The following CTNNA3 variants were observed in gnomAD, a reference collection of about 807,000 sequenced individuals.
The protein encoded by CTNNA3 is catenin alpha 3.
A neutral mutation model predicts 95.7 loss-of-function variants in CTNNA3; 76 were observed. That is an observed-to-expected ratio of 0.79 (90% confidence interval 0.66 to 0.96). The LOEUF (loss-of-function observed/expected upper bound fraction) is 0.96, where lower values mean the gene tolerates loss of function less well. Ranked by LOEUF, CTNNA3 falls within the 40% of genes least tolerant of loss-of-function variation. The pLI is 0.00. For synonymous variants in CTNNA3, 431 were observed against 374.4 expected (o/e 1.15, Z -1.74); for missense variants, 1,191 against 1,089.8 (o/e 1.09, Z -1.31).
chr10:66,026,438 G>C (rs1336689141), intron 15 of CTNNA3, among the ~76,000 whole-genome samples: 2 of 152,126 alleles, frequency 1.3e-5, no homozygotes, highest in Non-Finnish European at 2.9e-5. Context: ...GAAAAGGGAA[G>C]ATATATTTAA....
At chr10:66,402,831 C>T (rs2093030701) in intron 11 of CTNNA3, among the ~76,000 whole-genome samples, 1 of 152,080 alleles carries the variant, frequency 6.6e-6, no homozygotes, top group Non-Finnish European at 1.5e-5. Flanking sequence ...CTTGGACCCC[C>T]ACAGGGAACC....
At chr10:66,988,736 C>A (rs1184715092) in intron 7 of CTNNA3, among the ~76,000 whole-genome samples, 2 of 152,102 alleles carry the variant, frequency 1.3e-5, no homozygotes, top group African/African-American at 2.4e-5. Context: ...TAAAATGAGA[C>A]CACAGCTAAG....
At chr10:66,064,010 T>C (rs1159054953) in intron 15 of CTNNA3, among the ~76,000 whole-genome samples, 1 of 152,174 alleles carries the variant, frequency 6.6e-6, no homozygotes, top group East Asian at 1.9e-4. Flanking sequence ...CACACTACTA[T>C]AAAGAATTGC....
intron 1 of CTNNA3, among the ~76,000 whole-genome samples, chr10:67,705,902 G>A (rs949691967): frequency 1.5e-4 from 23 of 152,072 alleles, no homozygotes; most frequent in African/African-American, 5.6e-4. Flanking sequence ...ATTAACTAGA[G>A]CGAAGTCTGG....
intron 5 of CTNNA3, among the ~76,000 whole-genome samples, chr10:67,459,084 A>G (rs1264186871): frequency 6.6e-6 from 1 of 152,196 alleles, no homozygotes; most frequent in Non-Finnish European, 1.5e-5. Flanking sequence ...CTATTAATAT[A>G]TGAATATTGA....
At chr10:66,104,891 A>G (rs1363303985) in intron 13 of CTNNA3, among the ~76,000 whole-genome samples, 1 of 152,178 alleles carries the variant, frequency 6.6e-6, no homozygotes, top group Admixed American at 6.5e-5. Flanking sequence ...ATCCCTTGGG[A>G]GCACTCCAGA....
At chr10:66,966,275 A>G (rs1849405493) in intron 7 of CTNNA3, among the ~76,000 whole-genome samples, 1 of 152,114 alleles carries the variant, frequency 6.6e-6, no homozygotes, top group Non-Finnish European at 1.5e-5. Flanking sequence ...TTATGTGTAG[A>G]CAATTAAATT....
intron 13 of CTNNA3, among the ~76,000 whole-genome samples, chr10:66,150,854 C>T (rs1038619836): frequency 6.6e-6 from 1 of 151,820 alleles, no homozygotes; most frequent in African/African-American, 2.4e-5. Context: ...AATACTTTTA[C>T]TGAGGAATAA....
At chr10:66,386,467 C>G (rs1316506573) in intron 11 of CTNNA3, among the ~76,000 whole-genome samples, 1 of 152,160 alleles carries the variant, frequency 6.6e-6, no homozygotes, top group African/African-American at 2.4e-5. Context: ...ATTGGAAGAA[C>G]ATTCCATGCT....
chr10:66,234,210 A>G (rs1001016295), intron 13 of CTNNA3, among the ~76,000 whole-genome samples: 8 of 152,024 alleles, frequency 5.3e-5, no homozygotes, highest in African/African-American at 1.9e-4. Context: ...TATATTTTTT[A>G]TTTTACACTT....
intron 5 of CTNNA3, among the ~76,000 whole-genome samples, chr10:67,420,403 T>G (rs1462104771): frequency 6.6e-6 from 1 of 152,222 alleles, no homozygotes; most frequent in Non-Finnish European, 1.5e-5. Flanking sequence ...AGACAATTTA[T>G]TATGATCCTG....
chr10:67,418,744 C>G (rs565800263), intron 5 of CTNNA3, among the ~76,000 whole-genome samples: 5 of 152,036 alleles, frequency 3.3e-5, no homozygotes, highest in African/African-American at 1.2e-4. Context: ...GGAATAAGTT[C>G]AAGAAATCTA....
intron 7 of CTNNA3, among the ~76,000 whole-genome samples, chr10:67,140,581 G>A (rs1318447732): frequency 6.6e-6 from 1 of 152,026 alleles, no homozygotes; most frequent in African/African-American, 2.4e-5. Flanking sequence ...CCTATAAGTT[G>A]GAAGAAAAAC....
chr10:67,553,341 C>A (rs1009029165), intron 3 of CTNNA3, among the ~76,000 whole-genome samples: 1 of 152,076 alleles, frequency 6.6e-6, no homozygotes, highest in Non-Finnish European at 1.5e-5. Context: ...CTAACTGGTA[C>A]TTTGAAGTCA....
chr10:66,525,296 A>G (rs993901286), intron 10 of CTNNA3, among the ~76,000 whole-genome samples: 1 of 152,154 alleles, frequency 6.6e-6, no homozygotes, highest in Non-Finnish European at 1.5e-5. Context: ...AACGATAATA[A>G]TAAAATACTA....
chr10:65,928,131 T>C (rs1256667484), intron 17 of CTNNA3, among the ~76,000 whole-genome samples: 1 of 152,204 alleles, frequency 6.6e-6, no homozygotes, highest in Non-Finnish European at 1.5e-5. Context: ...ATATTTGAAG[T>C]TAGAGATTTA....
At chr10:66,502,826 C>A (rs536167985) in intron 11 of CTNNA3, among the ~76,000 whole-genome samples, 1 of 152,048 alleles carries the variant, frequency 6.6e-6, no homozygotes. Context: ...GGCAACATAA[C>A]CCAGGTGCCA....
chr10:66,134,064 A>G (rs559460573), intron 13 of CTNNA3, among the ~76,000 whole-genome samples: 91 of 152,312 alleles, frequency 6.0e-4, no homozygotes, highest in African/African-American at 2.1e-3. Flanking sequence ...CAAAAACACC[A>G]CAGTCAAAAT....
intron 13 of CTNNA3, among the ~76,000 whole-genome samples, chr10:66,140,997 G>A (rs1407486515): frequency 1.3e-5 from 2 of 152,032 alleles, no homozygotes; most frequent in Admixed American, 6.6e-5. Context: ...ACTGGCTCAC[G>A]CCTATAATCG....
Sources: allele counts gnomAD v4.1 joint callset (sites outside exome capture counted in the v4.1 genomes callset), GRCh38; gene constraint gnomAD v4.1.1; transcripts MANE v1.5; gene names NCBI Gene and HGNC (gene_info 2026-07-23, HGNC 2026-07-21).